The following SLC22A6 variants were observed in gnomAD, a reference collection of about 807,000 sequenced individuals.
SLC22A6 encodes PAH transporter.
SLC22A6 carries 45 observed loss-of-function variants against 56.7 expected under a neutral mutation model. The observed-to-expected ratio is 0.79, with a 90% confidence interval of 0.63 to 1.02. SLC22A6 has a LOEUF of 1.02. Ranked by LOEUF, SLC22A6 falls within the 50% of genes least tolerant of loss-of-function variation. The pLI is 0.00. For missense variants in SLC22A6, 606 were observed against 713.8 expected (o/e 0.85, Z 1.72); for synonymous variants, 291 against 295.9 (o/e 0.98, Z 0.17).
chr11:62,976,778 G>T lies in SLC22A6; in HGVS notation c.*16C>A. ...CTTCCCTCCCTTTAGGGTTCTGTAA[G>T]GCCCCTTCTCAGTCCTCAGAGTCCA... On this transcript the variant is annotated 3_prime_UTR_variant, in exon 10 of 10. Transcript: ENST00000360421. 1 of 1,604,862 alleles carries T rather than the reference G, an allele frequency of 6.2e-7. No individual in the cohort carries two copies. Among genetic ancestry groups the T allele is most frequent in the Non-Finnish European group, 8.5e-7 (1 of 1,174,244 alleles).
In SLC22A6 at chr11:62,979,960, A is replaced by G. The variant is rs752227844; in HGVS notation, c.1038-12T>C. On this transcript the variant is annotated splice_polypyrimidine_tract_variant and intron_variant, in intron 6 of 9. Coordinates refer to ENST00000360421, the MANE Select transcript of SLC22A6 (RefSeq NM_153276.3). ...AGCTAGTGGCAAACCTAGCAGAGAG[A>G]AGAGAGGAGTATGGAGTTTGTTAGG... 2 of 1,603,568 alleles carry G rather than the reference A, an allele frequency of 1.2e-6. No individual in the cohort carries two copies. The highest frequency in any genetic ancestry group is 4.5e-5 in the East Asian group (2 of 44,830).
chr11:62,984,110 C>G (rs538868236), intron 1 of SLC22A6, 63 bp from the exon 2 acceptor site: 12 of 1,296,788 alleles, frequency 9.3e-6, no homozygotes, highest in South Asian at 5.2e-5. Flanking sequence ...CCCCTTCCCC[C>G]ACTTCAGCTG....
Position 62,976,743 on chromosome 11 carries a change from C to A in SLC22A6, c.*51G>T. On this transcript the variant is annotated 3_prime_UTR_variant, in exon 10 of 10. Transcript: ENST00000360421. ...TCCTCCTTGTGTGGGTGGCCGGAGACCTGTAGGACCTTCCCTCCCTTTAGG... is the reference window on the plus strand; with the variant it reads ...TCCTCCTTGTGTGGGTGGCCGGAGAACTGTAGGACCTTCCCTCCCTTTAGG... 6.7e-7 allele frequency: 1 copy of A among 1,491,874 alleles called. No individual in the cohort carries two copies. 92.4% of individuals were successfully genotyped at this position (1,491,874 alleles called of 1,614,324 possible).
chr11:62,983,016 G>A lies in SLC22A6; in HGVS notation c.628+521C>T, dbSNP rs2086272184. Among the ~76,000 whole-genome samples, 5 of 151,394 alleles carry A rather than the reference G, an allele frequency of 3.3e-5. No individual in the cohort carries two copies. In the South Asian group the frequency reaches 1.0e-3, roughly 32 times the overall value. The stretch of plus-strand genomic sequence containing the variant: ...TGCACCTGGCCGTCTTACATGATCT[G>A]CTGGCTCTAACAATGGAGTTTGCAA... On this transcript the variant is annotated intron_variant, in intron 3 of 9. Coordinates refer to ENST00000360421, the MANE Select transcript of SLC22A6 (RefSeq NM_153276.3). This position sits in a 1 kb window ranked among gnomAD's most constrained non-coding sequence, Gnocchi z 4.5.
In SLC22A6 at chr11:62,984,894, A is replaced by C. The variant is rs1224150799; in HGVS notation, c.-204T>G. 1.7e-6 allele frequency: 1 copy of C among 591,958 alleles called. No homozygotes were observed. The highest frequency in any genetic ancestry group is 1.9e-5 in the African/African-American group (1 of 53,592). The allele number at this position is 591,958 out of a possible 1,614,324, so 36.7% of individuals were successfully genotyped here. A position where few individuals can be genotyped will look rare whatever the true frequency, so the allele number is the denominator to read the frequency against. ...TCCTCCTTCTTCCCCGGTCTCCCTGATCTGTCCCTCCCTTTTCCCTTGCAG... is the reference window on the plus strand; with the variant it reads ...TCCTCCTTCTTCCCCGGTCTCCCTGCTCTGTCCCTCCCTTTTCCCTTGCAG... On this transcript the variant is annotated 5_prime_UTR_variant, in exon 1 of 10. Transcript: ENST00000360421.
chr11:62,983,825 G>A lies in SLC22A6; in HGVS notation c.473+119C>T. 1 of 1,172,874 alleles carries A rather than the reference G, an allele frequency of 8.5e-7. No homozygotes were observed. The highest frequency in any genetic ancestry group is 1.2e-6 in the Non-Finnish European group (1 of 830,354). The allele number at this position is 1,172,874 out of a possible 1,614,324, so 72.7% of individuals were successfully genotyped here. On this transcript the variant is annotated intron_variant, in intron 2 of 9. Coordinates refer to ENST00000360421, the MANE Select transcript of SLC22A6 (RefSeq NM_153276.3). This position sits in a 1 kb window ranked among gnomAD's most constrained non-coding sequence, Gnocchi z 4.5. ...AGGACCTCTGAAGTATGAGGCTGGTGCTGTAGATCCTCAAACCAGCGCCGG... is the reference window on the plus strand; with the variant it reads ...AGGACCTCTGAAGTATGAGGCTGGTACTGTAGATCCTCAAACCAGCGCCGG...
chr11:62,984,744 T>C lies in SLC22A6; in HGVS notation c.-54A>G. 1 of 1,542,704 alleles carries C rather than the reference T, an allele frequency of 6.5e-7. No individual in the cohort carries two copies. The highest frequency in any genetic ancestry group is 8.7e-7 in the Non-Finnish European group (1 of 1,148,838). ...GCTGAGGCCTTCCAGTCCCAGGACC[T>C]CTGTCTGTCTGCCTGCCTGCTGTCC... On this transcript the variant is annotated 5_prime_UTR_variant, in exon 1 of 10. Transcript: ENST00000360421.
intron 9 of SLC22A6, 29 bp from the exon 10 acceptor site, chr11:62,976,910 G>T (rs1224836225): frequency 3.1e-6 from 5 of 1,610,940 alleles, no homozygotes; most frequent in Non-Finnish European, 4.2e-6. Context: ...ATGGCACTCT[G>T]GGTATGCAGC....
In SLC22A6 at chr11:62,983,890, G is replaced by A; in HGVS notation, c.473+54C>T. The A allele has an allele frequency of 7.2e-7, 1 of 1,387,876 alleles. No homozygotes were observed. The highest frequency in any genetic ancestry group is 1.0e-6 in the Non-Finnish European group (1 of 994,330). The allele number at this position is 1,387,876 out of a possible 1,614,324, so 86.0% of individuals were successfully genotyped here. A position where few individuals can be genotyped will look rare whatever the true frequency, so the allele number is the denominator to read the frequency against. ...CTCCCACCTAGACACCCTGAGCCCA[G>A]CTGAGCCCCTAATCCCAGCCCAGCC... On this transcript the variant is annotated intron_variant, in intron 2 of 9. Coordinates refer to ENST00000360421, the MANE Select transcript of SLC22A6 (RefSeq NM_153276.3). This position sits in a 1 kb window ranked among gnomAD's most constrained non-coding sequence, Gnocchi z 4.5.
At position 62,984,332 on chromosome 11, in the gene SLC22A6, A is replaced by G. The variant is rs1320230227; in HGVS notation, c.359T>C (p.Ile120Thr). 6 of 1,612,218 alleles carry G rather than the reference A, an allele frequency of 3.7e-6. No individual in the cohort carries two copies. Among genetic ancestry groups the G allele is most frequent in the South Asian group, 2.2e-5 (2 of 91,036 alleles). Residue 120 changes from isoleucine to threonine, a missense_variant, in exon 1 of 10, where the codon ATC (isoleucine) becomes ACC (threonine). Physicochemically the swap from Ile to Thr is moderately conservative, Grantham distance 89. Transcript: ENST00000360421. The part of the protein sequence containing the change: ...IYDNSTFPST[I>T]VTEWDLVCSH... Reference sequence around the variant, plus strand: ...GCCCCAGGTGCTCACCTCAGTCACGATGGTAGATGGGAAGGTGCTGTTGTC... The same window carrying G: ...GCCCCAGGTGCTCACCTCAGTCACGGTGGTAGATGGGAAGGTGCTGTTGTC...
intron 6 of SLC22A6, among the ~76,000 whole-genome samples, chr11:62,980,184 A>T (rs1370952212): frequency 6.6e-6 from 1 of 152,068 alleles, no homozygotes; most frequent in South Asian, 2.1e-4. Flanking sequence ...TAATTGGGGG[A>T]ATTTTCACTT....
chr11:62,978,214 G>A (rs943575411), intron 8 of SLC22A6, among the ~76,000 whole-genome samples: 7 of 152,000 alleles, frequency 4.6e-5, no homozygotes, highest in South Asian at 2.1e-4. Flanking sequence ...TGACCCTCAG[G>A]GTTCCACTTT....
rs2086283596 is a variant in SLC22A6 at position 62,983,763 on chromosome 11, G to T, written c.474-72C>A. 5 of 1,463,362 alleles carry T rather than the reference G, an allele frequency of 3.4e-6. No individual in the cohort carries two copies. In the East Asian group the frequency reaches 1.2e-4, roughly 34 times the overall value. The allele number at this position is 1,463,362 out of a possible 1,614,324, so 90.6% of individuals were successfully genotyped here. Reference sequence around the variant, plus strand: ...GGGTCAGGCTGAGCCAGGAGAGGAGGGCTCACCCTGGATGATGCCTGGGCT... The same window carrying T: ...GGGTCAGGCTGAGCCAGGAGAGGAGTGCTCACCCTGGATGATGCCTGGGCT... On this transcript the variant is annotated intron_variant, in intron 2 of 9. Coordinates refer to ENST00000360421, the MANE Select transcript of SLC22A6 (RefSeq NM_153276.3). This position sits in a 1 kb window ranked among gnomAD's most constrained non-coding sequence, Gnocchi z 4.5.
In SLC22A6 at chr11:62,979,953, C is replaced by T. The variant is rs527722178; in HGVS notation, c.1038-5G>A. 6.2e-7 allele frequency: 1 copy of T among 1,610,080 alleles called. No individual in the cohort carries two copies. The highest frequency in any genetic ancestry group is 1.1e-5 in the South Asian group (1 of 90,978). On this transcript the variant is annotated splice_region_variant and splice_polypyrimidine_tract_variant and intron_variant, in intron 6 of 9. Coordinates refer to ENST00000360421, the MANE Select transcript of SLC22A6 (RefSeq NM_153276.3). ...TATGCAAAGCTAGTGGCAAACCTAG[C>T]AGAGAGAAGAGAGGAGTATGGAGTT...
chr11:62,981,831 GC>G lies in SLC22A6; in HGVS notation c.797+10del, dbSNP rs2086258625. 6.2e-7 allele frequency: 1 copy of G among 1,602,154 alleles called. No homozygotes were observed. The highest frequency in any genetic ancestry group is 8.5e-7 in the Non-Finnish European group (1 of 1,174,750). Reference sequence around the variant, plus strand: ...CTGTGGCAACCACCTCCAACCCTAGGCCCCACGCACCAGGAGTAGATGAAGA... The same window carrying G: ...CTGTGGCAACCACCTCCAACCCTAGGCCCACGCACCAGGAGTAGATGAAGA... On this transcript the variant is annotated intron_variant, in intron 4 of 9. Transcript: ENST00000360421.
intron 5 of SLC22A6, 72 bp from the exon 6 acceptor site, chr11:62,981,172 G>T: frequency 6.2e-7 from 1 of 1,603,828 alleles, no homozygotes; most frequent in South Asian, 1.1e-5. Flanking sequence ...CCCTTACTTA[G>T]AGGAGTTCCC....
chr11:62,984,211 C>T, intron 1 of SLC22A6, 111 bp downstream of exon 1: 2 of 1,388,322 alleles, frequency 1.4e-6, no homozygotes, highest in Non-Finnish European at 2.0e-6. Flanking sequence ...CTTTTTAACT[C>T]AGCAGTTAAA....
rs773888396 is a variant in SLC22A6 at position 62,976,856 on chromosome 11, G to C, written c.1591C>G (p.Gln531Glu). 1 of 1,614,136 alleles carries C rather than the reference G, an allele frequency of 6.2e-7. No homozygotes were observed. The highest frequency in any genetic ancestry group is 2.2e-5 in the East Asian group (1 of 44,884). The change falls in exon 10 of 10, where the codon CAA becomes GAA. Residue 531 changes from glutamine to glutamate, a missense_variant. Physicochemically the swap from Gln to Glu is conservative, Grantham distance 29 (BLOSUM62 2). Coordinates refer to ENST00000360421, the MANE Select transcript of SLC22A6 (RefSeq NM_153276.3). ...GGGACCATATACTTCTGGTGCTCTT[G>C]TTGCTGTCGCGTCTGTTTCCCTTTC... ...SRKGKQTRQQ[Q>E]EHQKYMVPLQ...
chr11:62,977,382 G>A lies in SLC22A6; in HGVS notation c.1367C>T (p.Thr456Ile), dbSNP rs777129743. 6.2e-7 allele frequency: 1 copy of A among 1,608,956 alleles called. No homozygotes were observed. Among genetic ancestry groups the A allele is most frequent in the Non-Finnish European group, 8.5e-7 (1 of 1,179,492 alleles). ...CATGGTGCTGCCCATTCCCATGCCT[G>A]TCTGCCTGCAGGGCCCGCAGCAGAT... Reference protein sequence around the residue: ...GELYPTMIRQTGMGMGSTMAR... With the variant: ...GELYPTMIRQIGMGMGSTMAR... The change falls in exon 9 of 10, where the codon ACA becomes ATA. Residue 456 changes from threonine (T) to isoleucine (I), a missense_variant. Coordinates refer to ENST00000360421, the MANE Select transcript of SLC22A6 (RefSeq NM_153276.3).
Sources: gnomAD v4.1 joint callset for allele counts (sites outside exome capture counted in the v4.1 genomes callset) on GRCh38, gnomAD v4.1.1 for gene constraint, Gnocchi (gnomAD v3.1) non-coding constraint, MANE v1.5 for transcripts, NCBI Gene and HGNC (gene_info 2026-07-23, HGNC 2026-07-21) for gene names.